The following RALB variants were observed in gnomAD, a reference collection of about 807,000 sequenced individuals.
The protein encoded by RALB is ras-related protein Ral-B.
Under a neutral mutation model 21.3 loss-of-function variants are expected in RALB, and 16 were observed. The observed-to-expected ratio is 0.75, with a 90% CI of 0.51 to 1.14. The LOEUF is 1.14. Ranked by LOEUF, RALB falls within the 50% of genes most tolerant of loss-of-function variation. The pLI is 0.00. For synonymous variants in RALB, 93 were observed against 96.1 expected (o/e 0.97, Z 0.19); for missense variants, 161 against 256.2 (o/e 0.63, Z 2.54).
chr2:120,279,193 T>C (rs919924141), intron 2 of RALB, among the ~76,000 whole-genome samples: 1 of 152,182 alleles, frequency 6.6e-6, no homozygotes, highest in African/African-American at 2.4e-5. Flanking sequence ...TCGCAAGTGA[T>C]AGACATCAGA....
intron 1 of RALB, among the ~76,000 whole-genome samples, chr2:120,244,358 G>A (rs1558942462): frequency 1.3e-5 from 2 of 150,172 alleles, no homozygotes; most frequent in Non-Finnish European, 2.9e-5. Flanking sequence ...GGTTGGAGCT[G>A]CCGCTCAGCT....
chr2:120,285,939 A>C lies in RALB; in HGVS notation c.180A>C (p.Glu60Asp). 3 of 1,614,088 alleles carry C rather than the reference A, an allele frequency of 1.9e-6. No individual in the cohort carries two copies. Among genetic ancestry groups the C allele is most frequent in the Non-Finnish European group, 1.7e-6 (2 of 1,179,946 alleles). The stretch of plus-strand genomic sequence containing the variant: ...GAAAGAAAGTGGTTCTTGATGGGGA[A>C]GAAGTTCAGATAGATATTCTGGACA... ...SYRKKVVLDG[E>D]EVQIDILDTA... Residue 60 changes from glutamate (E) to aspartate (D), a missense_variant, in exon 3 of 5, where the codon GAA becomes GAC. Glu to Asp is a conservative substitution (Grantham distance 45). Transcript: ENST00000272519.
intron 1 of RALB, among the ~76,000 whole-genome samples, chr2:120,260,240 A>G (rs1429964067): frequency 1.3e-5 from 2 of 152,230 alleles, no homozygotes; most frequent in Non-Finnish European, 2.9e-5. Context: ...AAATGCCACC[A>G]AAGTGGGAGC....
At chr2:120,273,872 G>T (rs1689725999) in intron 1 of RALB, among the ~76,000 whole-genome samples, 1 of 152,222 alleles carries the variant, frequency 6.6e-6, no homozygotes, top group African/African-American at 2.4e-5. Context: ...GTTGACTGAA[G>T]CAGTGATACA....
Position 120,293,523 on chromosome 2 carries a change from A to G in RALB, c.*263A>G, listed in dbSNP as rs2104672897. On this transcript the variant is annotated 3_prime_UTR_variant, in exon 5 of 5. Transcript: ENST00000272519. ...CCCTCCCAAAAGCTTAGCTATGTATAAAGTGCCACAGATAGGAAACAGCTG... is the reference window on the plus strand; with the variant it reads ...CCCTCCCAAAAGCTTAGCTATGTATGAAGTGCCACAGATAGGAAACAGCTG... 1 of 233,562 alleles carries G rather than the reference A, an allele frequency of 4.3e-6. No homozygotes were observed. The highest frequency in any genetic ancestry group is 9.4e-5 in the South Asian group (1 of 10,692). The allele number at this position is 233,562 out of a possible 1,614,324, so 14.5% of individuals were successfully genotyped here.
intron 2 of RALB, chr2:120,281,001 A>C: frequency 3.1e-6 from 1 of 321,898 alleles, no homozygotes; most frequent in Non-Finnish European, 6.0e-6. Context: ...ATTACTGTAT[A>C]ATAATCACAA....
At chr2:120,290,333 G>A (rs1271137517) in intron 4 of RALB, among the ~76,000 whole-genome samples, 1 of 152,210 alleles carries the variant, frequency 6.6e-6, no homozygotes, top group Non-Finnish European at 1.5e-5. Context: ...ATGGTGGGAC[G>A]AGGCCATTGG....
rs987083849 is a variant in RALB, at chr2:120,274,056, A to AT, written c.-47-4561dup. ...TAGATAACTACACGTGTTTGCAAGG[A>AT]TCCCCCCCAACCTGGAAAAATATCC... is the stretch of plus-strand genomic sequence containing the variant. On this transcript the variant is annotated intron_variant, in intron 1 of 4. Transcript: ENST00000272519. 3.9e-5 allele frequency among the ~76,000 whole-genome samples: 6 copies of AT among 152,204 alleles called. No individual in the cohort carries two copies. In the East Asian group the frequency reaches 1.2e-3, roughly 29 times the overall value.
chr2:120,255,165 G>A (rs1689167515), intron 1 of RALB, among the ~76,000 whole-genome samples: 1 of 152,166 alleles, frequency 6.6e-6, no homozygotes, highest in Non-Finnish European at 1.5e-5. Flanking sequence ...TAGTTTTCCA[G>A]TGTAACTTGT....
intron 2 of RALB, among the ~76,000 whole-genome samples, chr2:120,283,847 G>A (rs1690055777): frequency 6.6e-6 from 1 of 152,218 alleles, no homozygotes; most frequent in Admixed American, 6.5e-5. Context: ...AAGACTTTGT[G>A]ATTTTCTGTT....
chr2:120,274,306 GCTTA>G (rs1689736863), intron 1 of RALB, among the ~76,000 whole-genome samples: 1 of 151,678 alleles, frequency 6.6e-6, no homozygotes, highest in Admixed American at 6.6e-5. Context: ...TTTCAGATGT[GCTTA>G]CTTATCTAGT....
At chr2:120,288,764 C>G (rs1690234471) in intron 3 of RALB, among the ~76,000 whole-genome samples, 1 of 151,904 alleles carries the variant, frequency 6.6e-6, no homozygotes, top group South Asian at 2.1e-4. Context: ...AGTACTTTTC[C>G]ATAGGGCTTG....
chr2:120,248,921 T>A (rs1689011764), upstream of RALB, among the ~76,000 whole-genome samples: 1 of 152,134 alleles, frequency 6.6e-6, no homozygotes, highest in South Asian at 2.1e-4. Flanking sequence ...TCACCCTCCT[T>A]GGCCTCTCAA....
intron 1 of RALB, among the ~76,000 whole-genome samples, chr2:120,266,502 C>T (rs1689505373): frequency 6.6e-6 from 1 of 152,156 alleles, no homozygotes; most frequent in African/African-American, 2.4e-5. Context: ...CCACCTTGGC[C>T]TCCCAAAGTG....
At chr2:120,289,239 T>TTC (rs1167109681) in intron 3 of RALB, among the ~76,000 whole-genome samples, 3 of 84,888 alleles carry the variant, frequency 3.5e-5, no homozygotes, top group African/African-American at 1.4e-4. Context: ...ATTTTTCTTC[T>TTC]TTTTGTTTTT....
intron 1 of RALB, among the ~76,000 whole-genome samples, chr2:120,276,591 A>G (rs1024896404): frequency 5.9e-4 from 89 of 151,746 alleles, no homozygotes; most frequent in Non-Finnish European, 2.9e-4. Context: ...TGACACAGTG[A>G]GACTCTGTCT....
At chr2:120,263,325 C>T (rs1335618208) in intron 1 of RALB, among the ~76,000 whole-genome samples, 1 of 151,568 alleles carries the variant, frequency 6.6e-6, no homozygotes, top group Non-Finnish European at 1.5e-5. Flanking sequence ...CATGCCACTA[C>T]ACCCAGCTAA....
chr2:120,263,185 T>C (rs1689413660), intron 1 of RALB, among the ~76,000 whole-genome samples: 1 of 152,272 alleles, frequency 6.6e-6, no homozygotes, highest in African/African-American at 2.4e-5. Context: ...TATTTATTTA[T>C]TTTGAGGTAA....
chr2:120,253,589 C>G (rs1245470661), intron 1 of RALB: 2 of 985,364 alleles, frequency 2.0e-6, no homozygotes, highest in Non-Finnish European at 2.4e-6. Flanking sequence ...CGGTTCTTGC[C>G]GCCTGTGGGA....
Sources: allele counts gnomAD v4.1 joint callset (sites outside exome capture counted in the v4.1 genomes callset), GRCh38; gene constraint gnomAD v4.1.1; transcripts MANE v1.5; gene names NCBI Gene and HGNC (gene_info 2026-07-23, HGNC 2026-07-21).